WASF2: variants seen among roughly 807,000 people sequenced by gnomAD.
WASF2 encodes actin-binding protein WASF2.
Under a neutral mutation model 45.0 loss-of-function variants are expected in WASF2, and 14 were observed. The ratio of observed to expected loss-of-function variants is 0.31; its 90% CI spans 0.21 to 0.49. The LOEUF (loss-of-function observed/expected upper bound fraction) is 0.49, where lower values mean the gene tolerates loss of function less well. Among genes scored for constraint, WASF2 ranks in the 20% least tolerant of loss-of-function variants. The pLI, the probability that WASF2 is intolerant of heterozygous loss-of-function variation, is 0.99. For synonymous variants in WASF2, 200 were observed against 236.3 expected (o/e 0.85, Z 1.41); for missense variants, 439 against 636.1 (o/e 0.69, Z 3.33).
chr1:27,480,048 C>T (rs969385139), intron 1 of WASF2, among the ~76,000 whole-genome samples: 2 of 152,096 alleles, frequency 1.3e-5, no homozygotes, highest in African/African-American at 2.4e-5. Flanking sequence ...TCCACAGATG[C>T]CGTTGGTATT....
At chr1:27,483,073 G>A (rs9438522) in intron 1 of WASF2, among the ~76,000 whole-genome samples, 14,937 of 152,184 alleles carry the variant, frequency 0.098, 818 homozygotes, top group African/African-American at 0.14. Context: ...AGTATCTCAC[G>A]CCTGTAATCC....
intron 2 of WASF2, among the ~76,000 whole-genome samples, chr1:27,422,065 C>T (rs185108405): frequency 6.6e-6 from 1 of 151,112 alleles, no homozygotes; most frequent in African/African-American, 2.4e-5. Context: ...TCAACTTACA[C>T]CAAGAGTCAC....
At chr1:27,420,937 T>A (rs899907731) in intron 2 of WASF2, among the ~76,000 whole-genome samples, 1 of 152,222 alleles carries the variant, frequency 6.6e-6, no homozygotes, top group African/African-American at 2.4e-5. Context: ...GCTTCAAAAC[T>A]ACATTTATGC....
chr1:27,429,895 T>C (rs2017038244), intron 1 of WASF2, among the ~76,000 whole-genome samples: 1 of 152,044 alleles, frequency 6.6e-6, no homozygotes, highest in African/African-American at 2.4e-5. Context: ...ATGTCAAACA[T>C]GATGCTGAGT....
At chr1:27,428,990 G>A in intron 1 of WASF2, 57 bp from the exon 2 acceptor site, 1 of 1,383,488 alleles carries the variant, frequency 7.2e-7, no homozygotes, top group Non-Finnish European at 9.8e-7. Flanking sequence ...GCACACTAGG[G>A]CTGTGTGAAT....
chr1:27,423,354 T>C (rs1269940543), intron 2 of WASF2, among the ~76,000 whole-genome samples: 1 of 151,974 alleles, frequency 6.6e-6, no homozygotes, highest in African/African-American at 2.4e-5. Context: ...CCCAGCTAAT[T>C]TTTGTATTTT....
At chr1:27,421,892 C>T (rs1490198364) in intron 2 of WASF2, among the ~76,000 whole-genome samples, 1 of 151,980 alleles carries the variant, frequency 6.6e-6, no homozygotes, top group Non-Finnish European at 1.5e-5. Flanking sequence ...ATGAGAATCA[C>T]TTGAACTTGG....
At chr1:27,465,554 G>C (rs2017602425) in intron 1 of WASF2, among the ~76,000 whole-genome samples, 2 of 152,126 alleles carry the variant, frequency 1.3e-5, no homozygotes, top group African/African-American at 4.8e-5. Flanking sequence ...CTACCTCCAT[G>C]ATGACCCACA....
chr1:27,471,393 C>T (rs1330117797), intron 1 of WASF2, among the ~76,000 whole-genome samples: 1 of 150,450 alleles, frequency 6.6e-6, no homozygotes, highest in African/African-American at 2.5e-5. Context: ...AGCCTCAAAC[C>T]TGTGATCCCA....
chr1:27,486,818 G>A (rs1401175825), intron 1 of WASF2, among the ~76,000 whole-genome samples: 1 of 151,840 alleles, frequency 6.6e-6, no homozygotes, highest in Non-Finnish European at 1.5e-5. Context: ...CAGATACTTG[G>A]GAGGCTGAGG....
At chr1:27,421,329 G>A (rs1427988704) in intron 2 of WASF2, among the ~76,000 whole-genome samples, 1 of 152,202 alleles carries the variant, frequency 6.6e-6, no homozygotes, top group South Asian at 2.1e-4. Context: ...GGCTGAAACA[G>A]AGAAATATGC....
intron 1 of WASF2, among the ~76,000 whole-genome samples, chr1:27,458,105 T>G (rs1380450757): frequency 1.3e-5 from 2 of 151,512 alleles, no homozygotes; most frequent in African/African-American, 2.4e-5. Flanking sequence ...AGCTCAGGAG[T>G]TCGTGACCAG....
chr1:27,464,344 C>A (rs1055125253), intron 1 of WASF2, among the ~76,000 whole-genome samples: 1 of 151,846 alleles, frequency 6.6e-6, no homozygotes, highest in African/African-American at 2.4e-5. Flanking sequence ...CAAGATCACA[C>A]CATTGCACTC....
At chr1:27,465,783 T>C (rs1451358488) in intron 1 of WASF2, among the ~76,000 whole-genome samples, 2 of 152,160 alleles carry the variant, frequency 1.3e-5, no homozygotes, top group African/African-American at 2.4e-5. Context: ...GAGCTAATAA[T>C]GTGGTCTCTA....
At chr1:27,479,413 C>A (rs1329230959) in intron 1 of WASF2, among the ~76,000 whole-genome samples, 1 of 152,114 alleles carries the variant, frequency 6.6e-6, no homozygotes, top group African/African-American at 2.4e-5. Flanking sequence ...CATACCCACA[C>A]CTCATCTCTA....
chr1:27,418,529 T>G, intron 3 of WASF2, 107 bp from the exon 4 acceptor site: 1 of 1,464,874 alleles, frequency 6.8e-7, no homozygotes, highest in Non-Finnish European at 9.3e-7. Context: ...TGGCTGTGGC[T>G]GTCCGCAGCC....
chr1:27,416,203 G>C lies in WASF2; in HGVS notation c.420-101C>G, dbSNP rs577618215. 8 of 953,484 alleles carry C rather than the reference G, an allele frequency of 8.4e-6. No homozygotes were observed. The South Asian group carries it at 1.1e-4, about 13-fold the overall frequency. The allele number at this position is 953,484 out of a possible 1,614,324, so 59.1% of individuals were successfully genotyped here. A position where few individuals can be genotyped will look rare whatever the true frequency, so the allele number is the denominator to read the frequency against. ...ACCAGTTAGCAGTTTTTACACCAAGGAATCAAGAAGTCATTTGAATCGATT... is the reference window on the plus strand; with the variant it reads ...ACCAGTTAGCAGTTTTTACACCAAGCAATCAAGAAGTCATTTGAATCGATT... On this transcript the variant is annotated intron_variant, in intron 4 of 8. Transcript: ENST00000618852.
chr1:27,487,688 TAA>T (rs1491559682), intron 1 of WASF2, among the ~76,000 whole-genome samples: 1 of 112,900 alleles, frequency 8.9e-6, no homozygotes, highest in Non-Finnish European at 1.7e-5. Context: ...ATATAATATA[TAA>T]TATATATTTT....
rs553732850 is a variant in WASF2 at position 27,443,570 on chromosome 1, G to T, written c.-43-14637C>A. Among the ~76,000 whole-genome samples the T allele has an allele frequency of 4.4e-4, 67 of 151,798 alleles. 1 individual carries two copies. Among genetic ancestry groups the T allele is most frequent in the African/African-American group, 1.6e-3 (67 of 41,398 alleles). ...GGAGGTTGCAGTGAGCCAAGACTGC[G>T]CCATTGCACTCCAGCCCGGGCAACA... On this transcript the variant is annotated intron_variant, in intron 1 of 8. Transcript: ENST00000618852.
Sources: allele counts gnomAD v4.1 joint callset (sites outside exome capture counted in the v4.1 genomes callset), GRCh38; gene constraint gnomAD v4.1.1; transcripts MANE v1.5; gene names NCBI Gene and HGNC (gene_info 2026-07-23, HGNC 2026-07-21).